The following ARL15 variants were observed in gnomAD, a reference collection of about 807,000 sequenced individuals.
ARL15 encodes the protein ADP-ribosylation factor-like protein 15.
In ARL15, 19 loss-of-function variants were observed where a neutral mutation model predicts 25.2. The observed-to-expected ratio is 0.75, with a 90% confidence interval of 0.53 to 1.10. The LOEUF (loss-of-function observed/expected upper bound fraction) is 1.10, where lower values mean the gene tolerates loss of function less well. ARL15 is among the 50% of genes least tolerant of loss of function. The probability of loss-of-function intolerance (pLI) is 0.00; values close to 1 mark genes in which losing one functional copy is unlikely to be tolerated. For missense variants in ARL15, 220 were observed against 246.0 expected (o/e 0.89, Z 0.71); for synonymous variants, 94 against 86.8 (o/e 1.08, Z -0.46).
chr5:54,210,338 G>C (rs1292922589), intron 1 of ARL15, among the ~76,000 whole-genome samples: 1 of 152,008 alleles, frequency 6.6e-6, no homozygotes, highest in Non-Finnish European at 1.5e-5. Flanking sequence ...TAAAAATAAT[G>C]CCTATTATCT....
chr5:54,261,826 A>T (rs1033585171), intron 1 of ARL15, among the ~76,000 whole-genome samples: 2 of 152,136 alleles, frequency 1.3e-5, no homozygotes, highest in African/African-American at 4.8e-5. Context: ...TCATCTAGGA[A>T]TGAACAAGCG....
At chr5:54,142,625 T>G (rs150498967) in intron 3 of ARL15, among the ~76,000 whole-genome samples, 88 of 152,302 alleles carry the variant, frequency 5.8e-4, no homozygotes, top group Non-Finnish European at 9.4e-4. Context: ...GACAAGATGC[T>G]GTTTACTTTC....
At chr5:54,186,875 T>C (rs1755255542) in intron 1 of ARL15, among the ~76,000 whole-genome samples, 1 of 151,270 alleles carries the variant, frequency 6.6e-6, no homozygotes, top group Non-Finnish European at 1.5e-5. Context: ...CATCGACTTT[T>C]TTTTTTTTTT....
At chr5:54,286,092 T>G (rs569216822) in intron 1 of ARL15, 10 of 143,578 alleles carry the variant, frequency 7.0e-5, no homozygotes, top group African/African-American at 2.5e-4. Context: ...TTGAAAGTAA[T>G]TTTCCCCAAA....
At chr5:54,248,590 T>C (rs181723613) in intron 1 of ARL15, among the ~76,000 whole-genome samples, 116 of 152,368 alleles carry the variant, frequency 7.6e-4, no homozygotes, top group Admixed American at 1.9e-3. Context: ...CCAGAGCCCT[T>C]ACCACCATCT....
chr5:54,173,792 A>G (rs1489048481), intron 1 of ARL15, among the ~76,000 whole-genome samples: 5 of 151,898 alleles, frequency 3.3e-5, no homozygotes, highest in African/African-American at 1.2e-4. Flanking sequence ...CCAAACCCTT[A>G]CCATGGTCTA....
intron 4 of ARL15, among the ~76,000 whole-genome samples, chr5:53,891,736 G>C (rs1203621627): frequency 6.6e-6 from 1 of 152,152 alleles, no homozygotes. Context: ...TTAAGCCTGC[G>C]AGGTGGTTGT....
intron 1 of ARL15, among the ~76,000 whole-genome samples, chr5:54,275,453 T>A (rs1237610787): frequency 6.6e-6 from 1 of 152,160 alleles, no homozygotes; most frequent in African/African-American, 2.4e-5. Flanking sequence ...ATGTCTGTGA[T>A]TTCCAGATCA....
intron 4 of ARL15, among the ~76,000 whole-genome samples, chr5:53,960,279 C>T (rs1430356469): frequency 6.6e-6 from 1 of 152,116 alleles, no homozygotes; most frequent in Non-Finnish European, 1.5e-5. Context: ...GGGATATTAA[C>T]ATTTGGACAT....
At chr5:54,195,977 T>C (rs1249194064) in intron 1 of ARL15, among the ~76,000 whole-genome samples, 5 of 152,148 alleles carry the variant, frequency 3.3e-5, no homozygotes, top group Non-Finnish European at 7.3e-5. Flanking sequence ...CATCTTCTCC[T>C]GTGTGCTACC....
intron 1 of ARL15, among the ~76,000 whole-genome samples, chr5:54,278,187 CACA>C (rs1293597870): frequency 1.3e-5 from 2 of 152,212 alleles, no homozygotes; most frequent in Admixed American, 1.3e-4. Flanking sequence ...GAAGTCTCAG[CACA>C]ACACCTTTGG....
At chr5:54,215,475 C>CTTT (rs1561269989) in intron 1 of ARL15, among the ~76,000 whole-genome samples, 8 of 152,094 alleles carry the variant, frequency 5.3e-5, no homozygotes, top group African/African-American at 7.2e-5. Context: ...CGACCCAGCG[C>CTTT]CATTCACACA....
intron 1 of ARL15, among the ~76,000 whole-genome samples, chr5:54,211,989 T>C (rs536438434): frequency 1.4e-4 from 21 of 152,184 alleles, no homozygotes; most frequent in Non-Finnish European, 2.8e-4. Flanking sequence ...CCATTAGGAA[T>C]GTGTCTGGCT....
chr5:53,921,835 A>G (rs958591191), intron 4 of ARL15, among the ~76,000 whole-genome samples: 1 of 152,202 alleles, frequency 6.6e-6, no homozygotes, highest in Non-Finnish European at 1.5e-5. Flanking sequence ...GGCTGGGGTT[A>G]CCAGGAATGA....
chr5:53,891,551 T>G (rs1050392799), intron 4 of ARL15, among the ~76,000 whole-genome samples: 1 of 152,216 alleles, frequency 6.6e-6, no homozygotes, highest in Non-Finnish European at 1.5e-5. Context: ...GCTCTTGCCA[T>G]GTGAAATACA....
At chr5:54,163,354 AGCT>A in intron 2 of ARL15, among the ~76,000 whole-genome samples, 1 of 63,092 alleles carries the variant, frequency 1.6e-5, no homozygotes, top group East Asian at 5.1e-4. Context: ...ATTGGTATGA[AGCT>A]TTTTTTTTTT....
intron 4 of ARL15, among the ~76,000 whole-genome samples, chr5:54,030,235 GCAAAGC>G (rs1749934042): frequency 1.3e-5 from 2 of 152,008 alleles, no homozygotes; most frequent in Admixed American, 1.3e-4. Context: ...TATACGACAA[GCAAAGC>G]CAAAGCAGCA....
chr5:54,281,577 A>G (rs1218821888), intron 1 of ARL15, among the ~76,000 whole-genome samples: 1 of 152,212 alleles, frequency 6.6e-6, no homozygotes, highest in Non-Finnish European at 1.5e-5. Context: ...AGATGACAGT[A>G]GCATATCACC....
At chr5:54,083,643 G>A (rs1751873059) in intron 4 of ARL15, among the ~76,000 whole-genome samples, 1 of 152,080 alleles carries the variant, frequency 6.6e-6, no homozygotes, top group Admixed American at 6.5e-5. Context: ...TATATTATCA[G>A]TGCAGCACCT....
Sources: gnomAD v4.1 joint callset for allele counts (sites outside exome capture counted in the v4.1 genomes callset) on GRCh38, gnomAD v4.1.1 for gene constraint, MANE v1.5 for transcripts, NCBI Gene and HGNC (gene_info 2026-07-23, HGNC 2026-07-21) for gene names.